The following ZMYND8 variants were observed in gnomAD, a reference collection of about 807,000 sequenced individuals.
ZMYND8 encodes zinc finger MYND-type containing 8.
Under a neutral mutation model 140.8 loss-of-function variants are expected in ZMYND8, and 37 were observed. The ratio of observed to expected loss-of-function variants is 0.26; its 90% CI spans 0.20 to 0.35. The LOEUF (loss-of-function observed/expected upper bound fraction) is 0.35, where lower values mean the gene tolerates loss of function less well. ZMYND8 is among the 10% of genes least tolerant of loss of function. The pLI is 1.00. For synonymous variants in ZMYND8, 592 were observed against 597.1 expected (o/e 0.99, Z 0.12); for missense variants, 1,068 against 1,570.0 (o/e 0.68, Z 5.40).
At chr20:47,285,056 A>G (rs998697451) in intron 8 of ZMYND8, among the ~76,000 whole-genome samples, 5 of 152,314 alleles carry the variant, frequency 3.3e-5, no homozygotes, top group Middle Eastern at 3.4e-3. Flanking sequence ...TTCTGTAAGT[A>G]TTAACTCATT....
intron 2 of ZMYND8, among the ~76,000 whole-genome samples, chr20:47,322,761 A>G (rs1197114945): frequency 2.6e-5 from 4 of 152,092 alleles, no homozygotes; most frequent in Non-Finnish European, 1.5e-5. Context: ...AGGCAAAGTC[A>G]TTTATATGCT....
chr20:47,241,483 G>A lies in ZMYND8; in HGVS notation c.2285-2345C>T, dbSNP rs533095336. ...GGTAGGATTTCAACAGGCGGAAAGT[G>A]AGAATCTGGAGGGAACAGCATCAGC... On this transcript the variant is annotated intron_variant, in intron 14 of 22. Coordinates refer to ENST00000471951, the MANE Select transcript of ZMYND8 (RefSeq NM_001281775.3). Among the ~76,000 whole-genome samples, 20 of 152,244 alleles carry A rather than the reference G, an allele frequency of 1.3e-4. No homozygotes were observed. In the South Asian group the frequency reaches 1.7e-3, roughly 13 times the overall value.
At chr20:47,255,424 C>A (rs932266876) in intron 12 of ZMYND8, among the ~76,000 whole-genome samples, 5 of 151,002 alleles carry the variant, frequency 3.3e-5, no homozygotes, top group African/African-American at 1.2e-4. Context: ...AAAAGAGAGA[C>A]AGGGCCGGGC....
chr20:47,287,406 T>C, intron 7 of ZMYND8, 122 bp from the exon 8 acceptor site: 1 of 820,386 alleles, frequency 1.2e-6, no homozygotes, highest in South Asian at 1.5e-5. Flanking sequence ...TTTTAAAGGC[T>C]AAAACCAGAG....
In ZMYND8 at chr20:47,289,101, CTAAATAAA is replaced by C. The variant is rs567630771; in HGVS notation, c.748+1078_748+1085del. Among the ~76,000 whole-genome samples, 3 of 152,046 alleles carry C rather than the reference CTAAATAAA, an allele frequency of 2.0e-5. No homozygotes were observed. The East Asian group carries it at 5.8e-4, about 29-fold the overall frequency. ...TGTGCGATTCAGTGAGACTCTGTCTCTAAATAAATAAATAAATAAATAATCCTATTTTT... is the reference window on the plus strand; with the variant it reads ...TGTGCGATTCAGTGAGACTCTGTCTCTAAATAAATAAATAATCCTATTTTT... On this transcript the variant is annotated intron_variant, in intron 7 of 22. Coordinates refer to ENST00000471951, the MANE Select transcript of ZMYND8 (RefSeq NM_001281775.3).
chr20:47,331,013 G>A (rs1402005317), intron 2 of ZMYND8, among the ~76,000 whole-genome samples: 2 of 152,230 alleles, frequency 1.3e-5, no homozygotes, highest in African/African-American at 4.8e-5. Flanking sequence ...CTGAGGCTTT[G>A]ATGGATCTGC....
At position 47,282,236 on chromosome 20, in the gene ZMYND8, G is replaced by T; in HGVS notation, c.883-19C>A. The T allele has an allele frequency of 6.2e-7, 1 of 1,604,818 alleles. No individual in the cohort carries two copies. The highest frequency in any genetic ancestry group is 8.5e-7 in the Non-Finnish European group (1 of 1,174,000). On this transcript the variant is annotated intron_variant, in intron 9 of 22. Coordinates refer to ENST00000471951, the MANE Select transcript of ZMYND8 (RefSeq NM_001281775.3). ...GATTGCTCTAGGAAAAGAAAAACAA[G>T]ATCCAGAGTTTGTACATATTTGACA...
chr20:47,340,750 G>A (rs1457300967), intron 2 of ZMYND8, among the ~76,000 whole-genome samples: 1 of 151,864 alleles, frequency 6.6e-6, no homozygotes, highest in East Asian at 1.9e-4. Context: ...TCAAGCCACT[G>A]CACTCCAGCC....
At chr20:47,317,273 C>T (rs1195495363) in intron 2 of ZMYND8, among the ~76,000 whole-genome samples, 1 of 152,140 alleles carries the variant, frequency 6.6e-6, no homozygotes, top group Admixed American at 6.6e-5. Context: ...CATTCACCTC[C>T]CAATTTCCAA....
chr20:47,263,892 T>A (rs1470148845), intron 11 of ZMYND8, among the ~76,000 whole-genome samples: 1 of 152,222 alleles, frequency 6.6e-6, no homozygotes, highest in African/African-American at 2.4e-5. Flanking sequence ...ATTTCCCCAT[T>A]AACCTCTAGG....
chr20:47,261,440 G>C (rs1324056121), intron 12 of ZMYND8, among the ~76,000 whole-genome samples: 2 of 151,994 alleles, frequency 1.3e-5, no homozygotes, highest in African/African-American at 4.8e-5. Flanking sequence ...CAGGGAGGGT[G>C]AGGCAGGAAA....
intron 3 of ZMYND8, among the ~76,000 whole-genome samples, chr20:47,302,813 A>G (rs751809436): frequency 6.6e-6 from 1 of 152,200 alleles, no homozygotes; most frequent in Non-Finnish European, 1.5e-5. Flanking sequence ...ATTAGTGCAC[A>G]AAGCTAGAGG....
intron 10 of ZMYND8, among the ~76,000 whole-genome samples, chr20:47,277,884 G>A (rs1420936974): frequency 6.6e-6 from 1 of 151,980 alleles, no homozygotes; most frequent in African/African-American, 2.4e-5. Flanking sequence ...TGTTAGCCAG[G>A]CTGGTCTTGA....
intron 2 of ZMYND8, among the ~76,000 whole-genome samples, chr20:47,314,656 T>G: frequency 6.6e-6 from 1 of 152,188 alleles, no homozygotes; most frequent in East Asian, 1.9e-4. Flanking sequence ...TATGTGTATG[T>G]GTTTAGGAGA....
intron 21 of ZMYND8, among the ~76,000 whole-genome samples, chr20:47,214,313 C>T (rs944660999): frequency 6.6e-6 from 1 of 152,194 alleles, no homozygotes; most frequent in Non-Finnish European, 1.5e-5. Flanking sequence ...AGAAGACTGA[C>T]GGCTGCATTC....
chr20:47,313,490 C>T (rs568713247), intron 2 of ZMYND8, among the ~76,000 whole-genome samples: 49 of 151,776 alleles, frequency 3.2e-4, no homozygotes, highest in Non-Finnish European at 5.9e-4. Flanking sequence ...GGCGTGGTGG[C>T]GGGCGCCTGT....
intron 11 of ZMYND8, among the ~76,000 whole-genome samples, chr20:47,264,345 C>T (rs2075356582): frequency 6.6e-6 from 1 of 152,158 alleles, no homozygotes; most frequent in East Asian, 1.9e-4. Flanking sequence ...TGTGCAATCT[C>T]GGCTCACTGC....
chr20:47,263,940 A>G (rs1011343277), intron 11 of ZMYND8, among the ~76,000 whole-genome samples: 2 of 152,174 alleles, frequency 1.3e-5, no homozygotes, highest in Non-Finnish European at 2.9e-5. Context: ...ATTCTCAGCT[A>G]TGAGCAATTC....
At chr20:47,346,130 CT>C (rs1025758789) in intron 2 of ZMYND8, among the ~76,000 whole-genome samples, 3 of 152,260 alleles carry the variant, frequency 2.0e-5, no homozygotes, top group African/African-American at 7.2e-5. Flanking sequence ...TCCAAGCCCC[CT>C]GGGGAAGGTA....
Sources: allele counts gnomAD v4.1 joint callset (sites outside exome capture counted in the v4.1 genomes callset), GRCh38; gene constraint gnomAD v4.1.1; transcripts MANE v1.5; gene names NCBI Gene and HGNC (gene_info 2026-07-23, HGNC 2026-07-21).